SCAPER: variants seen among roughly 807,000 people sequenced by gnomAD.
The protein encoded by SCAPER is S phase cyclin A-associated protein in the endoplasmic reticulum.
A neutral mutation model predicts 182.2 loss-of-function variants in SCAPER; 98 were observed. The observed-to-expected ratio is 0.54, with a 90% CI of 0.46 to 0.64. The LOEUF (loss-of-function observed/expected upper bound fraction) is 0.64, where lower values mean the gene tolerates loss of function less well. Among genes scored for constraint, SCAPER ranks in the 30% least tolerant of loss-of-function variants. SCAPER has a pLI of 0.00. For missense variants in SCAPER, 1,432 were observed against 1,690.0 expected, an observed-to-expected ratio of 0.85 and a Z score of 2.68; for synonymous variants, 605 against 564.6, an observed-to-expected ratio of 1.07 and a Z score of -1.01.
At chr15:76,591,196 G>A (rs958165297) in intron 22 of SCAPER, among the ~76,000 whole-genome samples, 2 of 151,858 alleles carry the variant, frequency 1.3e-5, no homozygotes, top group African/African-American at 4.8e-5. Context: ...TTAAAAAAAA[G>A]AAAAAGAAAA....
chr15:76,443,792 G>T (rs1398552931), intron 25 of SCAPER, among the ~76,000 whole-genome samples: 4 of 152,202 alleles, frequency 2.6e-5, no homozygotes, highest in Non-Finnish European at 5.9e-5. Context: ...TTAAACAAGG[G>T]GGATTAAGAT....
At chr15:76,629,435 T>C (rs905802262) in intron 21 of SCAPER, among the ~76,000 whole-genome samples, 2 of 152,236 alleles carry the variant, frequency 1.3e-5, no homozygotes, top group Non-Finnish European at 2.9e-5. Context: ...GTATGTTCCT[T>C]CAATACCGAG....
chr15:76,393,230 A>G (rs139065087), intron 27 of SCAPER, among the ~76,000 whole-genome samples: 226 of 152,322 alleles, frequency 1.5e-3, no homozygotes, highest in African/African-American at 5.0e-3. Context: ...CCTCCTTATT[A>G]GTCTAGTGGC....
chr15:76,518,462 G>T (rs1017097100), intron 23 of SCAPER, among the ~76,000 whole-genome samples: 2 of 152,178 alleles, frequency 1.3e-5, no homozygotes, highest in African/African-American at 4.8e-5. Context: ...TAATTTTAGA[G>T]ATGATCCTGT....
At chr15:76,489,739 C>T (rs1311168279) in intron 24 of SCAPER, among the ~76,000 whole-genome samples, 1 of 152,158 alleles carries the variant, frequency 6.6e-6, no homozygotes, top group African/African-American at 2.4e-5. Context: ...AAATACATCT[C>T]TAGCATTTAT....
intron 9 of SCAPER, among the ~76,000 whole-genome samples, chr15:76,772,576 C>A (rs1257771811): frequency 6.6e-6 from 1 of 152,046 alleles, no homozygotes; most frequent in Admixed American, 6.5e-5. Context: ...AGATTGAAAG[C>A]ATGTAGTGTC....
intron 8 of SCAPER, among the ~76,000 whole-genome samples, chr15:76,777,611 T>C (rs1019577490): frequency 3.9e-5 from 6 of 152,164 alleles, no homozygotes; most frequent in Non-Finnish European, 5.9e-5. Context: ...GAAGAATCGC[T>C]TGGACCTGGG....
At chr15:76,588,142 T>C (rs981610767) in intron 22 of SCAPER, among the ~76,000 whole-genome samples, 1 of 152,196 alleles carries the variant, frequency 6.6e-6, no homozygotes, top group African/African-American at 2.4e-5. Context: ...CAGAATGGTC[T>C]TGATCTCCTG....
chr15:76,527,316 G>A (rs1041571182), intron 23 of SCAPER, among the ~76,000 whole-genome samples: 1 of 152,196 alleles, frequency 6.6e-6, no homozygotes, highest in African/African-American at 2.4e-5. Flanking sequence ...CATTTTGGGT[G>A]AGAGGCTTTT....
chr15:76,850,694 C>G (rs1599093323), intron 4 of SCAPER, among the ~76,000 whole-genome samples: 1 of 151,890 alleles, frequency 6.6e-6, no homozygotes, highest in South Asian at 2.1e-4. Flanking sequence ...AACACCATCT[C>G]TACAAAAATA....
At chr15:76,389,500 C>CA (rs71143320) in intron 27 of SCAPER, among the ~76,000 whole-genome samples, 5 of 28,076 alleles carry the variant, frequency 1.8e-4, no homozygotes, top group African/African-American at 6.7e-4. Context: ...GACTCCGTCT[C>CA]AAAAAAAAAA....
rs80277474 is a variant in SCAPER at position 76,784,568 on chromosome 15, G to A, written c.773-9451C>T. 5.1e-3 allele frequency among the ~76,000 whole-genome samples: 772 copies of A among 152,232 alleles called. 11 individuals are homozygous for A. The highest frequency in any genetic ancestry group is 0.017 in the African/African-American group (720 of 41,548). On this transcript the variant is annotated intron_variant, in intron 8 of 31. Transcript: ENST00000563290. Reference sequence around the variant, plus strand: ...TTCATATGGAACCAAGAAAGAGCCCGCATTGTCAAGACAATCCTACGCAAA... The same window carrying A: ...TTCATATGGAACCAAGAAAGAGCCCACATTGTCAAGACAATCCTACGCAAA...
chr15:76,875,504 G>A (rs947780435), intron 2 of SCAPER, among the ~76,000 whole-genome samples: 3 of 152,220 alleles, frequency 2.0e-5, no homozygotes, highest in East Asian at 3.9e-4. Flanking sequence ...CTTAGCGGGC[G>A]TGGTGGTACG....
Position 76,804,758 on chromosome 15 carries a change from G to A in SCAPER, c.394-125C>T, listed in dbSNP as rs978334735. ...TTATACTCTTCAATGAAAAAGCTGC[G>A]TAAGTTACAGATTTTTTTTTTCATT... On this transcript the variant is annotated intron_variant, in intron 5 of 31. Transcript: ENST00000563290. 2.7e-5 allele frequency: 13 copies of A among 482,220 alleles called. No homozygotes were observed. The Admixed American group carries it at 2.8e-4, about 10-fold the overall frequency. The allele number at this position is 482,220 out of a possible 1,614,324, so 29.9% of individuals were successfully genotyped here.
At chr15:76,511,593 C>T (rs965326199) in intron 23 of SCAPER, among the ~76,000 whole-genome samples, 5 of 152,092 alleles carry the variant, frequency 3.3e-5, no homozygotes, top group Admixed American at 6.6e-5. Flanking sequence ...TAACCAAATT[C>T]CTTATATAAC....
At chr15:76,476,069 G>C (rs2050603114) in intron 24 of SCAPER, among the ~76,000 whole-genome samples, 1 of 152,192 alleles carries the variant, frequency 6.6e-6, no homozygotes, top group African/African-American at 2.4e-5. Flanking sequence ...TTTGGAGGTT[G>C]AATGTGAGTC....
At position 76,862,451 on chromosome 15, in the gene SCAPER, G is replaced by A; in HGVS notation, c.89C>T (p.Ala30Val). ...EEGRTARNLI[A>V]WSVPLESKDD... ...TTTGCTTTCTAGTGGAACACTCCAA[G>A]CTATTAGGTTTCTTGCTGTACGACC... The change falls in exon 3 of 32, where the codon GCT becomes GTT. Residue 30 changes from alanine to valine, a missense_variant. Physicochemically the swap from Ala to Val is moderately conservative, Grantham distance 64. This residue lies in a region of SCAPER where 480 missense variants were observed against 510.2 expected (regional missense o/e 0.94). Transcript: ENST00000563290. 1.2e-6 allele frequency: 2 copies of A among 1,612,180 alleles called. No homozygotes were observed. Among genetic ancestry groups the A allele is most frequent in the Non-Finnish European group, 1.7e-6 (2 of 1,178,676 alleles).
chr15:76,645,240 G>C (rs1471555855), intron 21 of SCAPER, among the ~76,000 whole-genome samples: 1 of 151,906 alleles, frequency 6.6e-6, no homozygotes, highest in Admixed American at 6.6e-5. Flanking sequence ...ATCTGCAGGG[G>C]GTCCTAGAAC....
chr15:76,769,925 T>C (rs542882617), intron 10 of SCAPER, among the ~76,000 whole-genome samples: 122 of 152,288 alleles, frequency 8.0e-4, no homozygotes, highest in Non-Finnish European at 1.5e-3. Flanking sequence ...TGCAGCACTA[T>C]TCACAATAGT....
Sources: gnomAD v4.1 joint callset for allele counts (sites outside exome capture counted in the v4.1 genomes callset) on GRCh38, gnomAD v4.1.1 for gene constraint, gnomAD v4.1.1 regional missense constraint, MANE v1.5 for transcripts, NCBI Gene and HGNC (gene_info 2026-07-23, HGNC 2026-07-21) for gene names.